Variants in RPS6KC1 observed in about 807,000 individuals in gnomAD.
RPS6KC1 encodes inactive ribosomal protein S6 kinase delta-1.
A neutral mutation model predicts 103.8 loss-of-function variants in RPS6KC1; 54 were observed. The ratio of observed to expected loss-of-function variants is 0.52; its 90% CI spans 0.42 to 0.65. The LOEUF (loss-of-function observed/expected upper bound fraction) is 0.65, where lower values mean the gene tolerates loss of function less well. Among genes scored for constraint, RPS6KC1 ranks in the 30% least tolerant of loss-of-function variants. RPS6KC1 has a pLI of 0.00. For synonymous variants in RPS6KC1, 439 were observed against 438.7 expected (o/e 1.00, Z -0.01); for missense variants, 1,151 against 1,253.8 (o/e 0.92, Z 1.24).
chr1:213,342,687 A>G, the RPS6KC1 span, among the ~76,000 whole-genome samples: 2 of 152,038 alleles, frequency 1.3e-5, no homozygotes, highest in African/African-American at 4.8e-5. Context: ...CTTATATTTG[A>G]CTTTTAACAC....
At chr1:213,429,538 T>C in the RPS6KC1 span, among the ~76,000 whole-genome samples, 1 of 152,222 alleles carries the variant, frequency 6.6e-6, no homozygotes, top group Non-Finnish European at 1.5e-5. Flanking sequence ...CTCTGACTTG[T>C]TGGCTTTTTC....
the RPS6KC1 span, among the ~76,000 whole-genome samples, chr1:213,382,862 C>T: frequency 1.3e-5 from 2 of 152,160 alleles, no homozygotes; most frequent in Non-Finnish European, 1.5e-5. Flanking sequence ...GGGGCTTTGC[C>T]CCTGGTAGAT....
the RPS6KC1 span, among the ~76,000 whole-genome samples, chr1:213,770,736 G>C: frequency 6.6e-6 from 1 of 152,114 alleles, no homozygotes; most frequent in East Asian, 1.9e-4. Flanking sequence ...TGATTAATTT[G>C]TTCACCCTGT....
At chr1:213,749,631 A>G in the RPS6KC1 span, among the ~76,000 whole-genome samples, 2 of 152,152 alleles carry the variant, frequency 1.3e-5, no homozygotes, top group Non-Finnish European at 2.9e-5. Flanking sequence ...GCAGGGTGCC[A>G]AGAGCACCTC....
At chr1:213,787,212 A>C in the RPS6KC1 span, among the ~76,000 whole-genome samples, 1 of 152,196 alleles carries the variant, frequency 6.6e-6, no homozygotes, top group Admixed American at 6.6e-5. Context: ...GGTAGTAAGA[A>C]AGTTAAATTC....
chr1:213,168,332 T>A (rs1348354793), intron 7 of RPS6KC1, among the ~76,000 whole-genome samples: 1 of 152,252 alleles, frequency 6.6e-6, no homozygotes, highest in Non-Finnish European at 1.5e-5. Context: ...ATGTTAAAAC[T>A]ATTCATTTTA....
At chr1:213,088,242 G>A (rs958039970) in intron 3 of RPS6KC1, among the ~76,000 whole-genome samples, 2 of 152,138 alleles carry the variant, frequency 1.3e-5, no homozygotes, top group Non-Finnish European at 2.9e-5. Flanking sequence ...ACAGAGATCC[G>A]AATCCCAGCC....
the RPS6KC1 span, among the ~76,000 whole-genome samples, chr1:213,354,311 G>A: frequency 6.6e-6 from 1 of 152,210 alleles, no homozygotes; most frequent in East Asian, 1.9e-4. Context: ...GTGCTCATAG[G>A]TGATGATGGT....
the RPS6KC1 span, among the ~76,000 whole-genome samples, chr1:213,539,384 G>A: frequency 6.6e-6 from 1 of 152,184 alleles, no homozygotes; most frequent in Non-Finnish European, 1.5e-5. Context: ...TCTGTGGTTG[G>A]TGCTATTGCT....
chr1:213,291,927 G>A, the RPS6KC1 span, among the ~76,000 whole-genome samples: 1 of 152,128 alleles, frequency 6.6e-6, no homozygotes, highest in Admixed American at 6.6e-5. Flanking sequence ...TTTTGTATAA[G>A]GTGTAAGGAA....
chr1:213,829,196 G>C, the RPS6KC1 span, among the ~76,000 whole-genome samples: 3 of 148,514 alleles, frequency 2.0e-5, no homozygotes, highest in Non-Finnish European at 4.4e-5. Flanking sequence ...TGCATTAAGT[G>C]CTGCATTTAA....
At chr1:213,710,814 T>A in the RPS6KC1 span, among the ~76,000 whole-genome samples, 1 of 152,230 alleles carries the variant, frequency 6.6e-6, no homozygotes, top group Non-Finnish European at 1.5e-5. Flanking sequence ...GGTTGAAAAT[T>A]ATTTACTTTA....
the RPS6KC1 span, chr1:213,731,698 A>G: frequency 6.6e-6 from 1 of 152,210 alleles, no homozygotes; most frequent in African/African-American, 2.4e-5. Context: ...CTCCAAAAAT[A>G]TGTGCATCTA....
the RPS6KC1 span, among the ~76,000 whole-genome samples, chr1:213,637,185 A>C: frequency 1.3e-5 from 2 of 152,192 alleles, no homozygotes; most frequent in African/African-American, 4.8e-5. Context: ...TAGTTCAACC[A>C]TTGTGGAAGA....
chr1:213,767,982 G>T, the RPS6KC1 span, among the ~76,000 whole-genome samples: 1 of 152,174 alleles, frequency 6.6e-6, no homozygotes, highest in African/African-American at 2.4e-5. Context: ...AGCAGGTAGG[G>T]AAAAGGGGTG....
intron 7 of RPS6KC1, among the ~76,000 whole-genome samples, chr1:213,172,139 T>G: frequency 6.6e-6 from 1 of 152,286 alleles, no homozygotes; most frequent in East Asian, 1.9e-4. Flanking sequence ...AGTATCTTCT[T>G]TTTAACAAGA....
the RPS6KC1 span, among the ~76,000 whole-genome samples, chr1:213,363,843 C>T: frequency 1.1e-4 from 13 of 115,082 alleles, no homozygotes; most frequent in Admixed American, 5.4e-4. Context: ...TTTCTGGTGG[C>T]GTGAGGAGAT....
At chr1:213,800,808 T>G in the RPS6KC1 span, among the ~76,000 whole-genome samples, 1 of 152,254 alleles carries the variant, frequency 6.6e-6, no homozygotes. Flanking sequence ...GTATCTACTA[T>G]GGTGTGAGGT....
At chr1:213,532,364 G>C in the RPS6KC1 span, among the ~76,000 whole-genome samples, 1 of 152,122 alleles carries the variant, frequency 6.6e-6, no homozygotes, top group Non-Finnish European at 1.5e-5. Context: ...GGGGCTTACG[G>C]TTTAGCCCGC....
Sources: allele counts gnomAD v4.1 joint callset (sites outside exome capture counted in the v4.1 genomes callset), GRCh38; gene constraint gnomAD v4.1.1; transcripts MANE v1.5; gene names NCBI Gene and HGNC (gene_info 2026-07-23, HGNC 2026-07-21).